The following SH3RF3 variants were observed in gnomAD, a reference collection of about 807,000 sequenced individuals.
SH3RF3 encodes the protein E3 ubiquitin-protein ligase SH3RF3.
SH3RF3 carries 29 observed loss-of-function variants against 66.3 expected under a neutral mutation model. The observed-to-expected ratio is 0.44, with a 90% CI of 0.33 to 0.60. The LOEUF is 0.60. Among genes scored for constraint, SH3RF3 ranks in the 20% least tolerant of loss-of-function variants. SH3RF3 has a pLI of 0.04. For synonymous variants in SH3RF3, 583 were observed against 532.0 expected (o/e 1.10, Z -1.32); for missense variants, 1,194 against 1,190.9 (o/e 1.00, Z -0.04).
At chr2:109,288,008 T>A (rs976831557) in intron 1 of SH3RF3, among the ~76,000 whole-genome samples, 1 of 147,196 alleles carries the variant, frequency 6.8e-6, no homozygotes, top group African/African-American at 2.5e-5. Flanking sequence ...GCATGGGCCA[T>A]CCCATGGCCT....
intron 1 of SH3RF3, among the ~76,000 whole-genome samples, chr2:109,139,996 G>A (rs1676908232): frequency 6.6e-6 from 1 of 152,168 alleles, no homozygotes; most frequent in Non-Finnish European, 1.5e-5. Flanking sequence ...AGGGTTTATT[G>A]ATCAGAGGTA....
intron 8 of SH3RF3, among the ~76,000 whole-genome samples, chr2:109,456,772 A>C (rs1305456436): frequency 6.6e-6 from 1 of 152,240 alleles, no homozygotes; most frequent in East Asian, 1.9e-4. Flanking sequence ...CCAAGGCCAC[A>C]CAACGAGTAG....
At chr2:109,152,052 C>A (rs894206809) in intron 1 of SH3RF3, among the ~76,000 whole-genome samples, 1 of 152,226 alleles carries the variant, frequency 6.6e-6, no homozygotes, top group African/African-American at 2.4e-5. Context: ...TCTGACAAGT[C>A]TCATCAGCAG....
intron 9 of SH3RF3, among the ~76,000 whole-genome samples, chr2:109,492,876 C>G (rs1679165883): frequency 6.6e-6 from 1 of 152,088 alleles, no homozygotes; most frequent in South Asian, 2.1e-4. Context: ...TTGGGTCCTG[C>G]AGATCCATCA....
In SH3RF3 at chr2:109,488,124, G is replaced by T. The variant is rs146330808; in HGVS notation, c.2149-2481G>T. 3.3e-3 allele frequency among the ~76,000 whole-genome samples: 497 copies of T among 152,268 alleles called. 5 individuals carry two copies. The highest frequency in any genetic ancestry group is 0.012 in the African/African-American group (479 of 41,566). ...AGAGCCTGCAGAGTGGGCTCCGCCG[G>T]GACACCTGGGGCAGGCCTGGCTTCT... On this transcript the variant is annotated intron_variant, in intron 8 of 9. Coordinates refer to ENST00000309415, the MANE Select transcript of SH3RF3 (RefSeq NM_001099289.3).
At chr2:109,449,062 C>A in intron 7 of SH3RF3, 108 bp from the exon 8 acceptor site, 1 of 1,310,140 alleles carries the variant, frequency 7.6e-7, no homozygotes, top group Non-Finnish European at 1.0e-6. Flanking sequence ...CAGAGAGAGG[C>A]TGTGAGTGCT....
At chr2:109,213,675 G>T (rs1469492966) in intron 1 of SH3RF3, among the ~76,000 whole-genome samples, 1 of 152,190 alleles carries the variant, frequency 6.6e-6, no homozygotes, top group Admixed American at 6.5e-5. Flanking sequence ...CTAAGGTCAG[G>T]TCAAGATGGC....
In SH3RF3 at chr2:109,311,990, G is replaced by T. The variant is rs144013500; in HGVS notation, c.574-35684G>T. Among the ~76,000 whole-genome samples, 3 of 151,908 alleles carry T rather than the reference G, an allele frequency of 2.0e-5. No individual in the cohort carries two copies. In the East Asian group the frequency reaches 5.8e-4, roughly 29 times the overall value. Reference sequence around the variant, plus strand: ...TCGTGGCTGTGTGGTGGTGAGGTCGGCTGCTGCTGGTGCTGTCCAGTTTTG... The same window carrying T: ...TCGTGGCTGTGTGGTGGTGAGGTCGTCTGCTGCTGGTGCTGTCCAGTTTTG... On this transcript the variant is annotated intron_variant, in intron 1 of 9. Coordinates refer to ENST00000309415, the MANE Select transcript of SH3RF3 (RefSeq NM_001099289.3).
intron 1 of SH3RF3, among the ~76,000 whole-genome samples, chr2:109,346,404 T>C (rs892220884): frequency 6.6e-6 from 1 of 152,216 alleles, no homozygotes; most frequent in African/African-American, 2.4e-5. Context: ...TGTGCTTCTA[T>C]TGATTGATTC....
intron 4 of SH3RF3, among the ~76,000 whole-genome samples, chr2:109,405,474 A>C (rs1178652203): frequency 1.3e-5 from 2 of 152,000 alleles, no homozygotes; most frequent in African/African-American, 4.8e-5. Flanking sequence ...CATTCCCGTG[A>C]GCCTGTGCAG....
rs570204527 is a variant in SH3RF3 at position 109,270,686 on chromosome 2, C to T, written c.574-76988C>T. On this transcript the variant is annotated intron_variant, in intron 1 of 9. Transcript: ENST00000309415. ...GTGTCTTGGCCCCGTATCTGGGCCACGCAGGTGGTGTCTGGAGCATCCTTT... is the reference window on the plus strand; with the variant it reads ...GTGTCTTGGCCCCGTATCTGGGCCATGCAGGTGGTGTCTGGAGCATCCTTT... Among the ~76,000 whole-genome samples, 32 of 152,318 alleles carry T rather than the reference C, an allele frequency of 2.1e-4. 1 individual carries two copies. The highest frequency in any genetic ancestry group is 7.2e-4 in the African/African-American group (30 of 41,576).
intron 8 of SH3RF3, among the ~76,000 whole-genome samples, chr2:109,477,553 G>A (rs1410435290): frequency 6.6e-6 from 1 of 152,214 alleles, no homozygotes; most frequent in Non-Finnish European, 1.5e-5. Context: ...CAGTTAAAGG[G>A]ACTGGGGTCA....
At chr2:109,191,160 C>T (rs574315696) in intron 1 of SH3RF3, among the ~76,000 whole-genome samples, 5 of 152,158 alleles carry the variant, frequency 3.3e-5, no homozygotes, top group East Asian at 1.9e-4. Context: ...GGGTCCCCAA[C>T]GTGCTATCAA....
At position 109,464,224 on chromosome 2, in the gene SH3RF3, G is replaced by A. The variant is rs1235694964; in HGVS notation, c.2148+14735G>A. ...CTATTAAAAGATTCATCCTCTTGTC[G>A]GGCAAAATCTACAGAGTCTACACAC... On this transcript the variant is annotated intron_variant, in intron 8 of 9. Coordinates refer to ENST00000309415, the MANE Select transcript of SH3RF3 (RefSeq NM_001099289.3). 3.3e-5 allele frequency among the ~76,000 whole-genome samples: 5 copies of A among 151,822 alleles called. No individual in the cohort carries two copies. In the East Asian group the frequency reaches 9.7e-4, roughly 30 times the overall value.
chr2:109,405,387 T>G (rs551795448), intron 4 of SH3RF3, among the ~76,000 whole-genome samples: 1 of 152,280 alleles, frequency 6.6e-6, no homozygotes, highest in African/African-American at 2.4e-5. Context: ...CTGAGTTCCC[T>G]CCTGAGTCCC....
At chr2:109,277,231 A>T (rs997813801) in intron 1 of SH3RF3, among the ~76,000 whole-genome samples, 1 of 152,058 alleles carries the variant, frequency 6.6e-6, no homozygotes, top group African/African-American at 2.4e-5. Context: ...TGCATTTCGG[A>T]TGTGTCACAC....
chr2:109,329,587 CTGA>C (rs1321299497), intron 1 of SH3RF3, among the ~76,000 whole-genome samples: 1 of 152,208 alleles, frequency 6.6e-6, no homozygotes, highest in Non-Finnish European at 1.5e-5. Context: ...AGGTGGAAGG[CTGA>C]TGATAAGTCT....
At chr2:109,130,815 T>G (rs1430542614) in intron 1 of SH3RF3, among the ~76,000 whole-genome samples, 1 of 152,160 alleles carries the variant, frequency 6.6e-6, no homozygotes, top group East Asian at 1.9e-4. Flanking sequence ...CTTCGCTGCT[T>G]CTGTTTTAGA....
Position 109,273,998 on chromosome 2 carries a change from AC to A in SH3RF3, c.574-73674del, listed in dbSNP as rs1680689215. On this transcript the variant is annotated intron_variant, in intron 1 of 9. Coordinates refer to ENST00000309415, the MANE Select transcript of SH3RF3 (RefSeq NM_001099289.3). ...AATTATGCTGGCAAGGATAATACTT[AC>A]CATAGTTCTGGGCTTATAAAAGAGT... Among the ~76,000 whole-genome samples the A allele has an allele frequency of 2.6e-5, 4 of 152,314 alleles. No homozygotes were observed. In the South Asian group the frequency reaches 6.2e-4, roughly 24 times the overall value.
Sources: gnomAD v4.1 joint callset for allele counts (sites outside exome capture counted in the v4.1 genomes callset) on GRCh38, gnomAD v4.1.1 for gene constraint, MANE v1.5 for transcripts, NCBI Gene and HGNC (gene_info 2026-07-23, HGNC 2026-07-21) for gene names.